The following RTL4 variants were observed in gnomAD, a reference collection of about 807,000 sequenced individuals.
RTL4 encodes retrotransposon Gag like 4, also known as retrotransposon Gag-like protein 4.
In RTL4, 4 loss-of-function variants were observed where a neutral mutation model predicts 5.3. The observed-to-expected ratio is 0.75, with a 90% CI of 0.37 to 1.72. The LOEUF (loss-of-function observed/expected upper bound fraction) is 1.72, where lower values mean the gene tolerates loss of function less well. RTL4 is among the 40% of genes most tolerant of loss of function. The pLI, the probability that RTL4 is intolerant of heterozygous loss-of-function variation, is 0.04. For missense variants in RTL4, 260 were observed against 227.1 expected (o/e 1.14, Z -0.93); for synonymous variants, 98 against 87.3 (o/e 1.12, Z -0.68).
At chrX:112,409,702 C>T in the RTL4 span, among the ~76,000 whole-genome samples, 1 of 92,912 alleles carries the variant, frequency 1.1e-5, no homozygotes, top group South Asian at 5.9e-4. Context: ...GCCTGGGCGA[C>T]AGAGTGAGGC....
At chrX:112,264,725 C>G in the RTL4 span, among the ~76,000 whole-genome samples, 1 of 111,704 alleles carries the variant, frequency 9.0e-6, no homozygotes, top group Non-Finnish European at 1.9e-5. Flanking sequence ...CCAATCCCCT[C>G]CCACACTGGA....
chrX:112,451,167 T>C (rs908189978), upstream of RTL4, among the ~76,000 whole-genome samples: 8 of 111,851 alleles, frequency 7.2e-5, no homozygotes, highest in Non-Finnish European at 1.3e-4. Context: ...AGATAACAGC[T>C]TGCGGACCTA....
At chrX:112,424,100 C>A in the RTL4 span, among the ~76,000 whole-genome samples, 2 of 111,335 alleles carry the variant, frequency 1.8e-5, no homozygotes, top group Non-Finnish European at 3.8e-5. Flanking sequence ...CCATATAAAT[C>A]CAAAAGGACA....
At chrX:112,229,802 CCT>C in the RTL4 span, among the ~76,000 whole-genome samples, 1 of 111,955 alleles carries the variant, frequency 8.9e-6, no homozygotes, top group Non-Finnish European at 1.9e-5. Flanking sequence ...CACTCCAGAC[CCT>C]GTTTGCCTGG....
the RTL4 span, among the ~76,000 whole-genome samples, chrX:112,317,796 A>T: frequency 3.8e-4 from 42 of 111,880 alleles, no homozygotes; most frequent in African/African-American, 1.3e-3. Flanking sequence ...TAACATGCTA[A>T]TGGTCACACA....
chrX:112,319,668 G>A, the RTL4 span, among the ~76,000 whole-genome samples: 2 of 111,320 alleles, frequency 1.8e-5, no homozygotes, highest in Non-Finnish European at 3.8e-5. Flanking sequence ...CACATAGACA[G>A]CCATTAATCT....
the RTL4 span, among the ~76,000 whole-genome samples, chrX:112,427,574 G>A: frequency 3.4e-4 from 38 of 110,529 alleles, no homozygotes; most frequent in African/African-American, 9.2e-4. Flanking sequence ...AGTTTTCAAC[G>A]TTGTACTGAA....
At chrX:112,267,278 T>C in the RTL4 span, among the ~76,000 whole-genome samples, 3 of 112,407 alleles carry the variant, frequency 2.7e-5, no homozygotes, top group Admixed American at 1.9e-4. Flanking sequence ...TTTGTAGAAG[T>C]CACTAATGAC....
At chrX:112,094,869 G>A in the RTL4 span, among the ~76,000 whole-genome samples, 2 of 111,488 alleles carry the variant, frequency 1.8e-5, no homozygotes, top group African/African-American at 6.5e-5. Context: ...GGACTGAGGA[G>A]TGAGAGGGAG....
the RTL4 span, among the ~76,000 whole-genome samples, chrX:112,351,902 CT>C: frequency 9.0e-6 from 1 of 111,431 alleles, no homozygotes; most frequent in African/African-American, 3.3e-5. Flanking sequence ...GAATTTGATC[CT>C]GTCATTATGA....
chrX:112,268,217 C>T, the RTL4 span, among the ~76,000 whole-genome samples: 3 of 111,716 alleles, frequency 2.7e-5, no homozygotes, highest in African/African-American at 9.8e-5. Flanking sequence ...CATTGATCTC[C>T]TGACTCGTTT....
chrX:112,445,828 C>A, the RTL4 span, among the ~76,000 whole-genome samples: 1 of 111,812 alleles, frequency 8.9e-6, no homozygotes, highest in African/African-American at 3.2e-5. Context: ...AAATGAACAA[C>A]CTTCTGTGGT....
the RTL4 span, among the ~76,000 whole-genome samples, chrX:112,406,370 G>A: frequency 1.8e-5 from 2 of 111,025 alleles, no homozygotes; most frequent in Admixed American, 9.6e-5. Flanking sequence ...TATGGCAGGA[G>A]GCAAAGTGGG....
chrX:112,276,711 T>C, the RTL4 span, among the ~76,000 whole-genome samples: 5,950 of 111,559 alleles, frequency 0.053, 375 homozygotes, highest in African/African-American at 0.18. Context: ...TTTTAATATA[T>C]GGTGAAAAGC....
At chrX:112,161,828 C>CTTTCTTT in the RTL4 span, among the ~76,000 whole-genome samples, 5 of 33,895 alleles carry the variant, frequency 1.5e-4, no homozygotes, top group African/African-American at 5.0e-4. Flanking sequence ...TTCCTTCCTT[C>CTTTCTTT]CTTCCTTCCT....
the RTL4 span, among the ~76,000 whole-genome samples, chrX:112,146,044 C>T: frequency 2.7e-5 from 3 of 112,080 alleles, no homozygotes; most frequent in South Asian, 3.7e-4. Context: ...CTCTGGCTGC[C>T]GCATGAAGAG....
At chrX:112,456,344 G>T (rs1926844138) in exon 1 of RTL4, 1 of 308,621 alleles carries the variant, frequency 3.2e-6, no homozygotes, top group Non-Finnish European at 5.9e-6. Context: ...AGATTGAATG[G>T]GCATTTGAAT....
chrX:112,199,343 G>C, the RTL4 span, among the ~76,000 whole-genome samples: 1 of 109,918 alleles, frequency 9.1e-6, no homozygotes. Context: ...CCTGTGTAAG[G>C]GAAAGAAAGA....
chrX:112,264,064 T>G, the RTL4 span, among the ~76,000 whole-genome samples: 1 of 111,574 alleles, frequency 9.0e-6, no homozygotes. Context: ...TAGGCATCCC[T>G]GGACAGTGAT....
Sources: allele counts gnomAD v4.1 joint callset (sites outside exome capture counted in the v4.1 genomes callset), GRCh38; gene constraint gnomAD v4.1.1; transcripts MANE v1.5; gene names NCBI Gene and HGNC (gene_info 2026-07-23, HGNC 2026-07-21).